Variants in RGS6 observed in about 807,000 individuals in gnomAD.
RGS6 encodes the protein regulator of G-protein signaling 6.
In RGS6, 30 loss-of-function variants were observed where a neutral mutation model predicts 78.5. That is an observed-to-expected ratio of 0.38 (90% CI 0.29 to 0.52). RGS6 has a LOEUF of 0.52. Ranked by LOEUF, RGS6 falls within the 20% of genes least tolerant of loss-of-function variation. The pLI is 0.85. For synonymous variants in RGS6, 206 were observed against 206.0 expected (o/e 1.00, Z 0.00); for missense variants, 495 against 609.7 (o/e 0.81, Z 1.98).
chr14:71,981,543 C>G (rs1434771282), intron 2 of RGS6, among the ~76,000 whole-genome samples: 1 of 151,556 alleles, frequency 6.6e-6, no homozygotes, highest in African/African-American at 2.4e-5. Context: ...TGTGCCCCTG[C>G]TGGGGGGTGC....
At chr14:72,025,142 G>C (rs2089579724) in intron 2 of RGS6, among the ~76,000 whole-genome samples, 1 of 152,094 alleles carries the variant, frequency 6.6e-6, no homozygotes, top group Admixed American at 6.5e-5. Flanking sequence ...AGTAGACCTG[G>C]AAAACTATCA....
chr14:72,037,345 G>A (rs138031242), intron 2 of RGS6, among the ~76,000 whole-genome samples: 3,964 of 152,176 alleles, frequency 0.026, 56 homozygotes, highest in Middle Eastern at 0.037. Context: ...CTTTGGGTCC[G>A]CACCACCTTT....
At chr14:71,981,240 C>T (rs534647017) in intron 2 of RGS6, among the ~76,000 whole-genome samples, 15 of 151,624 alleles carry the variant, frequency 9.9e-5, no homozygotes, top group African/African-American at 3.1e-4. Context: ...ATTTGATCGT[C>T]TGAAGCCTTC....
the RGS6 span, among the ~76,000 whole-genome samples, chr14:72,622,228 G>A: frequency 6.6e-6 from 1 of 152,236 alleles, no homozygotes; most frequent in South Asian, 2.1e-4. Flanking sequence ...ACCCAAAAGA[G>A]TTTACTGAGA....
chr14:72,476,925 C>A (rs1598088187), intron 11 of RGS6, 85 bp downstream of exon 11: 1 of 1,241,376 alleles, frequency 8.1e-7, no homozygotes, highest in Non-Finnish European at 1.2e-6. Context: ...GAAGATTGAG[C>A]AAGCTTTGAG....
At chr14:72,572,556 A>T in the RGS6 span, among the ~76,000 whole-genome samples, 1 of 152,244 alleles carries the variant, frequency 6.6e-6, no homozygotes, top group Non-Finnish European at 1.5e-5. Context: ...AAAAGACTAT[A>T]GATTGTATGA....
intron 13 of RGS6, among the ~76,000 whole-genome samples, chr14:72,506,125 C>T (rs933351335): frequency 6.6e-6 from 1 of 152,174 alleles, no homozygotes; most frequent in African/African-American, 2.4e-5. Flanking sequence ...CATCACTATA[C>T]ACATTTCTAA....
intron 2 of RGS6, among the ~76,000 whole-genome samples, chr14:72,017,416 A>G (rs752240112): frequency 2.6e-5 from 4 of 152,054 alleles, no homozygotes; most frequent in Non-Finnish European, 4.4e-5. Context: ...TGTGGCATTC[A>G]CTTCTTTTTC....
At chr14:72,234,222 T>C (rs2050400786) in intron 2 of RGS6, among the ~76,000 whole-genome samples, 2 of 151,994 alleles carry the variant, frequency 1.3e-5, no homozygotes, top group South Asian at 4.1e-4. Flanking sequence ...TCTCTTGACA[T>C]GACCCCACAT....
chr14:72,386,020 C>A (rs184034398), intron 3 of RGS6, among the ~76,000 whole-genome samples: 39 of 151,988 alleles, frequency 2.6e-4, no homozygotes, highest in Admixed American at 5.2e-4. Context: ...AATTTCATGC[C>A]CCTGAATGAG....
At chr14:72,450,023 T>C (rs891451430) in intron 3 of RGS6, among the ~76,000 whole-genome samples, 4 of 152,200 alleles carry the variant, frequency 2.6e-5, no homozygotes, top group African/African-American at 9.6e-5. Flanking sequence ...GTAAAAGTAT[T>C]ATATGAATGT....
intron 2 of RGS6, among the ~76,000 whole-genome samples, chr14:72,175,730 G>T (rs1160393763): frequency 6.6e-6 from 1 of 152,204 alleles, no homozygotes; most frequent in Non-Finnish European, 1.5e-5. Context: ...AGTGTCACGA[G>T]ACTCCTAGGG....
chr14:72,499,592 A>G (rs747799885), intron 13 of RGS6, among the ~76,000 whole-genome samples: 1 of 152,082 alleles, frequency 6.6e-6, no homozygotes, highest in Non-Finnish European at 1.5e-5. Flanking sequence ...GAAATTTCTC[A>G]AAGCTCTCAT....
chr14:72,626,528 G>A, the RGS6 span, among the ~76,000 whole-genome samples: 1 of 151,978 alleles, frequency 6.6e-6, no homozygotes, highest in Admixed American at 6.6e-5. Flanking sequence ...CTTTTTTACA[G>A]CTGTATAGTA....
At chr14:72,152,273 TGC>T (rs151177791) in intron 2 of RGS6, among the ~76,000 whole-genome samples, 2 of 149,120 alleles carry the variant, frequency 1.3e-5, no homozygotes, top group Non-Finnish European at 3.0e-5. Context: ...TGTGTGTGTG[TGC>T]GCATGCAGCC....
At chr14:72,487,182 G>A (rs2096503581) in intron 12 of RGS6, among the ~76,000 whole-genome samples, 1 of 152,218 alleles carries the variant, frequency 6.6e-6, no homozygotes, top group Non-Finnish European at 1.5e-5. Context: ...CATGAACACT[G>A]GGTTTATTTG....
At chr14:72,352,546 A>G (rs995125875) in intron 3 of RGS6, among the ~76,000 whole-genome samples, 49 of 152,226 alleles carry the variant, frequency 3.2e-4, no homozygotes, top group African/African-American at 1.2e-3. Context: ...TGTTATATTC[A>G]AATTCTACAA....
intron 2 of RGS6, among the ~76,000 whole-genome samples, chr14:72,262,910 G>T (rs560138871): frequency 6.6e-6 from 1 of 152,190 alleles, no homozygotes; most frequent in East Asian, 1.9e-4. Context: ...CCTCAGGAGG[G>T]TCCTTTTCCT....
chr14:72,183,539 TCAACTC>T (rs1179011795), intron 2 of RGS6, among the ~76,000 whole-genome samples: 1 of 152,204 alleles, frequency 6.6e-6, no homozygotes, highest in African/African-American at 2.4e-5. Flanking sequence ...TTATTAATCT[TCAACTC>T]CAAGGTAGGA....
Sources: allele counts gnomAD v4.1 joint callset (sites outside exome capture counted in the v4.1 genomes callset), GRCh38; gene constraint gnomAD v4.1.1; transcripts MANE v1.5; gene names NCBI Gene and HGNC (gene_info 2026-07-23, HGNC 2026-07-21).